Variants in HSPA12A observed in about 807,000 individuals in gnomAD.
HSPA12A encodes heat shock protein family A (Hsp70) member 12A.
A neutral mutation model predicts 69.2 loss-of-function variants in HSPA12A; 28 were observed. That is an observed-to-expected ratio of 0.40 (90% CI 0.30 to 0.55). The LOEUF is 0.55. HSPA12A is among the 20% of genes least tolerant of loss of function. The pLI is 0.38. For synonymous variants in HSPA12A, 345 were observed against 370.5 expected, an observed-to-expected ratio of 0.93 and a Z score of 0.79; for missense variants, 686 against 900.7, an observed-to-expected ratio of 0.76 and a Z score of 3.05.
chr10:116,831,125 G>A (rs1245439162), intron 2 of HSPA12A: 1 of 152,132 alleles, frequency 6.6e-6, no homozygotes, highest in East Asian at 1.9e-4. Flanking sequence ...GGGTGGCAGG[G>A]CTTAAATGAT....
chr10:116,679,986 T>C (rs1166847645), intron 9 of HSPA12A, among the ~76,000 whole-genome samples: 2 of 152,226 alleles, frequency 1.3e-5, no homozygotes, highest in Non-Finnish European at 2.9e-5. Context: ...TATTATTTTA[T>C]TTTTGTGTTT....
rs1554877019 is a variant in HSPA12A, at chr10:116,673,272, T to G, written c.*1509A>C. The G allele has an allele frequency of 6.6e-6, 1 of 152,160 alleles. No homozygotes were observed. Among genetic ancestry groups the G allele is most frequent in the Non-Finnish European group, 1.5e-5 (1 of 68,040 alleles). 9.4% of individuals were successfully genotyped at this position (152,160 alleles called of 1,614,324 possible). A position where few individuals can be genotyped will look rare whatever the true frequency, so the allele number is the denominator to read the frequency against. ...GTTGGTTCCTCAGTCAGCTCCGTTC[T>G]TGGTGTCGCTTTCTTGCAATTTTTT... On this transcript the variant is annotated 3_prime_UTR_variant, in exon 12 of 12. Transcript: ENST00000369209.
intron 1 of HSPA12A, among the ~76,000 whole-genome samples, chr10:116,726,671 C>T (rs1458124186): frequency 6.6e-6 from 1 of 152,210 alleles, no homozygotes; most frequent in Admixed American, 6.5e-5. Context: ...TCTACCCGTC[C>T]CCAATATCCC....
chr10:116,778,893 C>T (rs1844400885), intron 2 of HSPA12A, among the ~76,000 whole-genome samples: 1 of 152,144 alleles, frequency 6.6e-6, no homozygotes, highest in South Asian at 2.1e-4. Context: ...TGTGACTGCA[C>T]CATTGCACTC....
chr10:116,702,307 C>A (rs782122303), intron 3 of HSPA12A, among the ~76,000 whole-genome samples: 9 of 152,150 alleles, frequency 5.9e-5, no homozygotes, highest in Non-Finnish European at 1.3e-4. Context: ...CATGTGACCC[C>A]ATGCACAGCC....
intron 2 of HSPA12A, among the ~76,000 whole-genome samples, chr10:116,782,235 G>A (rs954633071): frequency 6.6e-6 from 1 of 152,178 alleles, no homozygotes; most frequent in Non-Finnish European, 1.5e-5. Flanking sequence ...CCCAAGGGTT[G>A]GTGAGGAAGT....
upstream of HSPA12A, chr10:116,742,610 C>G (rs1215895932): frequency 9.2e-7 from 1 of 1,081,940 alleles, no homozygotes; most frequent in Non-Finnish European, 1.1e-6. Flanking sequence ...CGGCAGCCGC[C>G]GCAGCCACGG....
Position 116,763,945 on chromosome 10 carries a change from T to C in HSPA12A, c.92-56660A>G, listed in dbSNP as rs542857179. Among the ~76,000 whole-genome samples, 33 of 151,996 alleles carry C rather than the reference T, an allele frequency of 2.2e-4. No homozygotes were observed. The South Asian group carries it at 3.8e-3, about 17-fold the overall frequency. ...AGACACTGATAGGACCATGGCGTTA[T>C]TGGGGGGGCGGTCGGCAATGAGCCT... On this transcript the variant is annotated intron_variant, in intron 2 of 12. Coordinates refer to the HSPA12A transcript ENST00000635765.
At chr10:116,793,331 G>C (rs1768654224) in intron 2 of HSPA12A, among the ~76,000 whole-genome samples, 1 of 151,902 alleles carries the variant, frequency 6.6e-6, no homozygotes, top group Admixed American at 6.6e-5. Flanking sequence ...AACATGTTGG[G>C]AGGCTGAGGC....
upstream of HSPA12A, chr10:116,850,274 G>A (rs946995296): frequency 1.1e-5 from 2 of 177,934 alleles, no homozygotes; most frequent in African/African-American, 4.8e-5. Flanking sequence ...TCAGACCAAA[G>A]CCTTGCCCAC....
At chr10:116,849,268 T>C (rs1845976558) in intron 1 of HSPA12A, among the ~76,000 whole-genome samples, 1 of 151,714 alleles carries the variant, frequency 6.6e-6, no homozygotes, top group South Asian at 2.1e-4. Context: ...GTTAAAGATT[T>C]CCCCCTCTGG....
Position 116,683,806 on chromosome 10 carries a change from C to G in HSPA12A, c.820G>C (p.Ala274Pro). 1 of 1,564,438 alleles carries G rather than the reference C, an allele frequency of 6.4e-7. No homozygotes were observed. Among genetic ancestry groups the G allele is most frequent in the Non-Finnish European group, 8.8e-7 (1 of 1,142,352 alleles). Residue 274 changes from alanine (A) to proline (P), a missense_variant, in exon 7 of 12, where the codon GCT becomes CCT. Ala to Pro is a conservative substitution (Grantham distance 27). Transcript: ENST00000369209. ...NGYSGSDTVGAGFTQAKEHIR... is the reference protein window; with the variant it reads ...NGYSGSDTVGPGFTQAKEHIR... ...GCAGAGGTACCCTGTGTAAACCCAG[C>G]TCCTACTGTGTCACTGCCGCTGTAC...
intron 1 of HSPA12A, among the ~76,000 whole-genome samples, chr10:116,738,708 G>A (rs1003066151): frequency 3.3e-5 from 5 of 152,194 alleles, no homozygotes; most frequent in South Asian, 2.1e-4. Context: ...ATCTCATCCC[G>A]ATGGATGAGC....
chr10:116,826,861 C>A (rs1845516562), intron 2 of HSPA12A, among the ~76,000 whole-genome samples: 1 of 152,194 alleles, frequency 6.6e-6, no homozygotes, highest in East Asian at 1.9e-4. Flanking sequence ...CCATGTTAAA[C>A]ACTTGACATG....
intron 1 of HSPA12A, among the ~76,000 whole-genome samples, chr10:116,713,214 T>C (rs1292352196): frequency 6.6e-6 from 1 of 151,772 alleles, no homozygotes; most frequent in Non-Finnish European, 1.5e-5. Flanking sequence ...TAAAAAATCT[T>C]TTATTACCCT....
At chr10:116,742,673 G>A (rs1200287658), upstream of HSPA12A, 16 of 894,688 alleles carry the variant, frequency 1.8e-5, no homozygotes, top group East Asian at 1.1e-4. Flanking sequence ...CTCCGAGCTC[G>A]GGCCGGCCGG....
At chr10:116,815,168 A>G (rs571365329) in intron 2 of HSPA12A, among the ~76,000 whole-genome samples, 1 of 149,332 alleles carries the variant, frequency 6.7e-6, no homozygotes, top group African/African-American at 2.5e-5. Context: ...CAGCTGATCA[A>G]TCAGCCAGCC....
intron 1 of HSPA12A, chr10:116,708,296 G>A (rs1554882732): frequency 6.6e-6 from 1 of 152,108 alleles, no homozygotes; most frequent in African/African-American, 2.4e-5. Context: ...TGCACATCCT[G>A]CTCCGTTTAG....
At chr10:116,790,969 G>A (rs1844690740) in intron 2 of HSPA12A, among the ~76,000 whole-genome samples, 1 of 152,212 alleles carries the variant, frequency 6.6e-6, no homozygotes, top group African/African-American at 2.4e-5. Context: ...GGGATTAGAG[G>A]CATGAGCCAC....
Sources: gnomAD v4.1 joint callset for allele counts (sites outside exome capture counted in the v4.1 genomes callset) on GRCh38, gnomAD v4.1.1 for gene constraint, MANE v1.5 for transcripts, NCBI Gene and HGNC (gene_info 2026-07-23, HGNC 2026-07-21) for gene names.